ATP10B: variants seen among roughly 807,000 people sequenced by gnomAD.
ATP10B encodes phospholipid-transporting ATPase VB.
A neutral mutation model predicts 141.2 loss-of-function variants in ATP10B; 122 were observed. The ratio of observed to expected loss-of-function variants is 0.86; its 90% confidence interval spans 0.75 to 1.00. The LOEUF (loss-of-function observed/expected upper bound fraction) is 1.00. Among genes scored for constraint, ATP10B ranks in the 50% least tolerant of loss-of-function variants. The pLI, the probability that ATP10B is intolerant of heterozygous loss-of-function variation, is 0.00. For missense variants in ATP10B, 1,876 were observed against 1,825.3 expected (o/e 1.03, Z -0.51); for synonymous variants, 685 against 692.0 (o/e 0.99, Z 0.16).
At chr5:160,617,781 CT>C in intron 16 of ATP10B, 82 bp downstream of exon 16, 1 of 1,223,756 alleles carries the variant, frequency 8.2e-7, no homozygotes, top group Non-Finnish European at 1.2e-6. Context: ...CTCTAAGGGT[CT>C]TTTATAAAGA....
chr5:160,685,960 A>G, intron 6 of ATP10B, 119 bp downstream of exon 6: 1 of 852,106 alleles, frequency 1.2e-6, no homozygotes, highest in Non-Finnish European at 1.7e-6. Context: ...CCCCTTGAGA[A>G]TCAGTGAATT....
intron 2 of ATP10B, among the ~76,000 whole-genome samples, chr5:160,728,586 T>C (rs1314797146): frequency 6.6e-6 from 1 of 152,112 alleles, no homozygotes; most frequent in East Asian, 1.9e-4. Flanking sequence ...ATGTGTCTCT[T>C]CTCTTGGCTG....
At chr5:160,687,270 C>T (rs1416257394) in intron 5 of ATP10B, among the ~76,000 whole-genome samples, 1 of 152,164 alleles carries the variant, frequency 6.6e-6, no homozygotes, top group Non-Finnish European at 1.5e-5. Flanking sequence ...AGGACAGTAT[C>T]TCTCTGCCTC....
chr5:160,598,822 G>A lies in ATP10B; in HGVS notation c.3512C>T (p.Ala1171Val). 1 of 1,614,174 alleles carries A rather than the reference G, an allele frequency of 6.2e-7. No individual in the cohort carries two copies. The highest frequency in any genetic ancestry group is 1.1e-5 in the South Asian group (1 of 91,080). ...CTCAGGCAATGCCAGGAGTGTTTCT[G>A]CAGAGATGTCTTTGTCAAGGACTCC... ...VFGVLDKDIS[A>V]ETLLALPELY... is the part of the protein sequence containing the mutation. The change falls in exon 22 of 26, where the codon GCA (alanine) becomes GTA (valine). Residue 1171 changes from alanine (A) to valine (V), a missense_variant. Transcript: ENST00000327245.
intron 6 of ATP10B, among the ~76,000 whole-genome samples, chr5:160,674,319 G>A (rs927255133): frequency 6.6e-6 from 1 of 152,180 alleles, no homozygotes; most frequent in Admixed American, 6.5e-5. Flanking sequence ...TCTAGAATGT[G>A]GATTATAAAG....
the ATP10B span, among the ~76,000 whole-genome samples, chr5:160,906,690 G>A: frequency 6.6e-6 from 1 of 152,116 alleles, no homozygotes; most frequent in Admixed American, 6.6e-5. Flanking sequence ...GAGTAGCCAC[G>A]GGGTACAATT....
chr5:160,672,674 T>A (rs1480177602), intron 6 of ATP10B, among the ~76,000 whole-genome samples: 1 of 152,260 alleles, frequency 6.6e-6, no homozygotes, highest in Non-Finnish European at 1.5e-5. Context: ...TTTCCTTTGC[T>A]GGGCTTCTTC....
At chr5:160,663,563 C>CACTCATAT (rs1762101715) in intron 7 of ATP10B, among the ~76,000 whole-genome samples, 1 of 152,142 alleles carries the variant, frequency 6.6e-6, no homozygotes, top group Non-Finnish European at 1.5e-5. Flanking sequence ...ACCGCATGTT[C>CACTCATAT]TCACTCATAG....
At chr5:160,682,822 G>A (rs1413666853) in intron 6 of ATP10B, among the ~76,000 whole-genome samples, 2 of 151,976 alleles carry the variant, frequency 1.3e-5, no homozygotes, top group East Asian at 3.9e-4. Flanking sequence ...GGCGGATCAC[G>A]AAGTCAGGAG....
chr5:160,743,160 G>A (rs1767589978), intron 2 of ATP10B, among the ~76,000 whole-genome samples: 1 of 152,152 alleles, frequency 6.6e-6, no homozygotes, highest in South Asian at 2.1e-4. Flanking sequence ...AACTGAAGCA[G>A]AGAGTTTCAG....
intron 1 of ATP10B, among the ~76,000 whole-genome samples, chr5:160,796,373 AC>A (rs1288206602): frequency 6.6e-6 from 1 of 152,212 alleles, no homozygotes; most frequent in East Asian, 1.9e-4. Context: ...CGTTGTGAAA[AC>A]ATTAACATTG....
intron 2 of ATP10B, among the ~76,000 whole-genome samples, chr5:160,759,957 C>T (rs1412045345): frequency 7.2e-5 from 11 of 152,274 alleles, no homozygotes; most frequent in East Asian, 3.9e-4. Flanking sequence ...GCACTTCCAC[C>T]GCAGCCATTA....
At chr5:160,801,336 A>T (rs1334600013) in intron 1 of ATP10B, among the ~76,000 whole-genome samples, 1 of 152,172 alleles carries the variant, frequency 6.6e-6, no homozygotes, top group Non-Finnish European at 1.5e-5. Context: ...GAAGTCCTCC[A>T]GGTAAACAGC....
At chr5:160,912,078 G>A in the ATP10B span, among the ~76,000 whole-genome samples, 1 of 152,176 alleles carries the variant, frequency 6.6e-6, no homozygotes, top group East Asian at 1.9e-4. Context: ...ATCTATAGGT[G>A]TTGAAAGGGT....
At chr5:160,910,676 T>G in the ATP10B span, among the ~76,000 whole-genome samples, 1 of 152,236 alleles carries the variant, frequency 6.6e-6, no homozygotes, top group South Asian at 2.1e-4. Flanking sequence ...TCAGTAATTT[T>G]TGAGGCTATG....
At chr5:160,577,999 T>C (rs1016836925) in intron 24 of ATP10B, among the ~76,000 whole-genome samples, 3 of 152,192 alleles carry the variant, frequency 2.0e-5, no homozygotes, top group Non-Finnish European at 4.4e-5. Flanking sequence ...TATGAAAATA[T>C]CAAACTATGA....
In ATP10B at chr5:160,648,157, C is replaced by T. The variant is rs545899244; in HGVS notation, c.761+1014G>A. On this transcript the variant is annotated intron_variant, in intron 8 of 25. Coordinates refer to ENST00000327245, the MANE Select transcript of ATP10B (RefSeq NM_025153.3). The stretch of plus-strand genomic sequence containing the variant: ...TCATCATAATCCACATCACGATATT[C>T]GCTTTCTGGGGTTGTTGTGAAGATT... 5.5e-4 allele frequency among the ~76,000 whole-genome samples: 83 copies of T among 152,274 alleles called. No homozygotes were observed. In the South Asian group the frequency reaches 0.011, roughly 20 times the overall value.
At chr5:160,802,907 C>A (rs1485010713) in intron 1 of ATP10B, among the ~76,000 whole-genome samples, 6 of 152,178 alleles carry the variant, frequency 3.9e-5, no homozygotes, top group Admixed American at 3.9e-4. Context: ...CATCCCCCAT[C>A]CCCATTCCAG....
chr5:160,780,145 T>C (rs771786629), intron 2 of ATP10B, among the ~76,000 whole-genome samples: 3 of 152,192 alleles, frequency 2.0e-5, no homozygotes, highest in Non-Finnish European at 4.4e-5. Flanking sequence ...AAAATATAAA[T>C]GGCTGACATT....
Sources: allele counts gnomAD v4.1 joint callset (sites outside exome capture counted in the v4.1 genomes callset), GRCh38; gene constraint gnomAD v4.1.1; transcripts MANE v1.5; gene names NCBI Gene and HGNC (gene_info 2026-07-23, HGNC 2026-07-21).